TRPM3: variants seen among roughly 807,000 people sequenced by gnomAD.
The protein encoded by TRPM3 is transient receptor potential cation channel subfamily M member 3.
In TRPM3, 77 loss-of-function variants were observed where a neutral mutation model predicts 181.2. That is an observed-to-expected ratio of 0.42 (90% CI 0.35 to 0.51). TRPM3 has a LOEUF of 0.51. TRPM3 is among the 20% of genes least tolerant of loss of function. TRPM3 has a pLI of 0.01. For synonymous variants in TRPM3, 745 were observed against 796.4 expected, an observed-to-expected ratio of 0.94 and a Z score of 1.09; for missense variants, 1,759 against 2,196.7, an observed-to-expected ratio of 0.80 and a Z score of 3.98.
chr9:70,647,435 A>G (rs1449749161), intron 9 of TRPM3, among the ~76,000 whole-genome samples: 1 of 151,764 alleles, frequency 6.6e-6, no homozygotes. Flanking sequence ...AACTAAAAAC[A>G]AAAAACACAT....
chr9:70,783,823 G>A (rs72727799), intron 7 of TRPM3: 121 of 1,061,348 alleles, frequency 1.1e-4, no homozygotes, highest in African/African-American at 2.2e-4. Context: ...AAGGAGATAC[G>A]AAGAGAAGAA....
intron 1 of TRPM3, among the ~76,000 whole-genome samples, chr9:71,420,777 A>AAGAG (rs1342368407): frequency 1.2e-5 from 1 of 86,762 alleles, no homozygotes; most frequent in Non-Finnish European, 2.4e-5. Context: ...AAGAGAGAGA[A>AAGAG]AGAGAGAGAA....
At chr9:71,428,059 A>G (rs1243246719) in intron 1 of TRPM3, among the ~76,000 whole-genome samples, 5 of 152,120 alleles carry the variant, frequency 3.3e-5, no homozygotes, top group Non-Finnish European at 5.9e-5. Context: ...GGTATAGTCC[A>G]TCCAGTAGCC....
chr9:71,361,523 C>T (rs975431462), intron 1 of TRPM3, among the ~76,000 whole-genome samples: 7 of 152,256 alleles, frequency 4.6e-5, no homozygotes, highest in South Asian at 2.1e-4. Flanking sequence ...TTGATTAGAA[C>T]GTAGTAACTA....
At chr9:71,199,427 G>C (rs1464491627) in intron 1 of TRPM3, among the ~76,000 whole-genome samples, 2 of 152,100 alleles carry the variant, frequency 1.3e-5, no homozygotes, top group Admixed American at 6.6e-5. Flanking sequence ...TCTATGGATT[G>C]GAATAGTTTC....
At chr9:70,956,716 C>T (rs939957774) in intron 1 of TRPM3, among the ~76,000 whole-genome samples, 1 of 151,812 alleles carries the variant, frequency 6.6e-6, no homozygotes, top group Admixed American at 6.6e-5. Context: ...AAGACCCCAT[C>T]ATTACAAAAA....
At chr9:70,974,917 G>C (rs544297967) in intron 1 of TRPM3, among the ~76,000 whole-genome samples, 1 of 137,826 alleles carries the variant, frequency 7.3e-6, no homozygotes, top group African/African-American at 2.7e-5. Flanking sequence ...GCCCAGGCTG[G>C]AGTGCAGTGG....
rs772586866 is a variant in TRPM3, at chr9:70,681,571, A to G, written c.1280T>C (p.Val427Ala). ...ECMKKKELIT[V>A]FRMGSEGHQD... Reference sequence around the variant, plus strand: ...GTGTCCTTCTGATCCCATCCGAAATACCGTAATCTGCAATTTGAGACAAGG... The same window carrying G: ...GTGTCCTTCTGATCCCATCCGAAATGCCGTAATCTGCAATTTGAGACAAGG... The change falls in exon 9 of 26, where the codon GTA (valine) becomes GCA (alanine). Residue 427 changes from valine (V) to alanine (A), a missense_variant. Transcript: ENST00000677713. 1 of 1,613,718 alleles carries G rather than the reference A, an allele frequency of 6.2e-7. No individual in the cohort carries two copies. The highest frequency in any genetic ancestry group is 1.7e-5 in the Admixed American group (1 of 60,004).
chr9:70,572,954 T>A (rs763788129), intron 22 of TRPM3, among the ~76,000 whole-genome samples: 1 of 152,228 alleles, frequency 6.6e-6, no homozygotes, highest in African/African-American at 2.4e-5. Flanking sequence ...TAATAATAAC[T>A]ATTTCCTATT....
At chr9:70,761,527 G>A in intron 8 of TRPM3, 74 bp downstream of exon 8, 12 of 1,605,236 alleles carry the variant, frequency 7.5e-6, no homozygotes, top group Non-Finnish European at 9.4e-6. Context: ...TGCATGATTT[G>A]AGAAAATGTT....
At chr9:70,887,252 T>G (rs1387428159) in intron 1 of TRPM3, among the ~76,000 whole-genome samples, 1 of 152,194 alleles carries the variant, frequency 6.6e-6, no homozygotes, top group African/African-American at 2.4e-5. Flanking sequence ...AATTGTGTCC[T>G]GTCAACATGT....
At chr9:70,851,180 G>T (rs950946108) in intron 3 of TRPM3, among the ~76,000 whole-genome samples, 1 of 152,014 alleles carries the variant, frequency 6.6e-6, no homozygotes. Context: ...AGAAAATCCC[G>T]AAAAACAAGA....
chr9:71,163,925 A>G (rs1396149502), intron 1 of TRPM3, among the ~76,000 whole-genome samples: 1 of 152,206 alleles, frequency 6.6e-6, no homozygotes, highest in Non-Finnish European at 1.5e-5. Context: ...AAGTGTAGCC[A>G]CTGGATTTGG....
chr9:71,239,961 AT>A (rs2081571717), intron 1 of TRPM3, among the ~76,000 whole-genome samples: 1 of 152,118 alleles, frequency 6.6e-6, no homozygotes, highest in Non-Finnish European at 1.5e-5. Context: ...AAGGAATTTC[AT>A]TAGAAAATGG....
intron 1 of TRPM3, among the ~76,000 whole-genome samples, chr9:71,007,875 T>C (rs886620414): frequency 6.6e-6 from 1 of 151,678 alleles, no homozygotes; most frequent in Admixed American, 6.6e-5. Flanking sequence ...GAAGTAGAAA[T>C]GTAAGAATAA....
In TRPM3 at chr9:71,278,510, T is replaced by G. The variant is rs1771449995; in HGVS notation, c.183+168143A>C. ...TCTAATACTAAAAGGAGGAATAAAG[T>G]GTTAATTTTCAAAGAAACACAATTC... On this transcript the variant is annotated intron_variant, in intron 1 of 24. Coordinates refer to the TRPM3 transcript ENST00000357533. Among the ~76,000 whole-genome samples, 3 of 152,276 alleles carry G rather than the reference T, an allele frequency of 2.0e-5. No homozygotes were observed. The South Asian group carries it at 6.2e-4, about 32-fold the overall frequency.
At chr9:70,792,122 T>C (rs1229791549) in intron 6 of TRPM3, among the ~76,000 whole-genome samples, 1 of 152,154 alleles carries the variant, frequency 6.6e-6, no homozygotes, top group South Asian at 2.1e-4. Flanking sequence ...ACCCATCCAC[T>C]GCATAGAAGG....
intron 1 of TRPM3, among the ~76,000 whole-genome samples, chr9:71,421,555 A>G (rs748732335): frequency 3.0e-4 from 46 of 151,990 alleles, no homozygotes; most frequent in East Asian, 7.8e-4. Context: ...AAACCATACC[A>G]ACTAGCCTTT....
In TRPM3 at chr9:71,371,200, T is replaced by C. The variant is rs564187341; in HGVS notation, c.183+75453A>G. ...GACACAACATACATTCTGCAGCCCA[T>C]GGATCAAGGAGGAATCTTCACTTTC... On this transcript the variant is annotated intron_variant, in intron 1 of 24. Coordinates refer to the TRPM3 transcript ENST00000357533. 2.6e-5 allele frequency among the ~76,000 whole-genome samples: 4 copies of C among 152,310 alleles called. No homozygotes were observed. The South Asian group carries it at 8.3e-4, about 32-fold the overall frequency.
Sources: gnomAD v4.1 joint callset for allele counts (sites outside exome capture counted in the v4.1 genomes callset) on GRCh38, gnomAD v4.1.1 for gene constraint, MANE v1.5 for transcripts, NCBI Gene and HGNC (gene_info 2026-07-23, HGNC 2026-07-21) for gene names.